The following GRIK1 variants were observed in gnomAD, a reference collection of about 807,000 sequenced individuals.
The protein encoded by GRIK1 is glutamate receptor ionotropic, kainate 1.
Under a neutral mutation model 105.7 loss-of-function variants are expected in GRIK1, and 69 were observed. The ratio of observed to expected loss-of-function variants is 0.65; its 90% CI spans 0.54 to 0.80. The LOEUF (loss-of-function observed/expected upper bound fraction) is 0.80, where lower values mean the gene tolerates loss of function less well. Ranked by LOEUF, GRIK1 falls within the 30% of genes least tolerant of loss-of-function variation. The pLI is 0.00. For synonymous variants in GRIK1, 438 were observed against 431.3 expected, an observed-to-expected ratio of 1.02 and a Z score of -0.19; for missense variants, 1,109 against 1,167.3, an observed-to-expected ratio of 0.95 and a Z score of 0.73.
intron 1 of GRIK1, among the ~76,000 whole-genome samples, chr21:29,878,150 T>G (rs184888420): frequency 6.6e-6 from 1 of 152,094 alleles, no homozygotes; most frequent in East Asian, 1.9e-4. Flanking sequence ...ATTTAGAGAA[T>G]GGAATTGGTA....
intron 1 of GRIK1, among the ~76,000 whole-genome samples, chr21:29,807,762 AT>A (rs1455067430): frequency 1.3e-5 from 2 of 152,030 alleles, no homozygotes; most frequent in Non-Finnish European, 2.9e-5. Flanking sequence ...CCCAGCCACT[AT>A]TTTTCTCTCA....
intron 1 of GRIK1, among the ~76,000 whole-genome samples, chr21:29,805,717 C>A (rs2066845518): frequency 1.3e-5 from 2 of 152,138 alleles, no homozygotes; most frequent in African/African-American, 4.8e-5. Flanking sequence ...CCACCTGACA[C>A]CTATAGCAGA....
intron 1 of GRIK1, chr21:29,758,938 C>A (rs1421412524): frequency 6.5e-6 from 1 of 153,254 alleles, no homozygotes; most frequent in Non-Finnish European, 1.5e-5. Context: ...GGACACAGAA[C>A]AAAACAAAGC....
In GRIK1 at chr21:29,587,535, T is replaced by C. The variant is rs757299465; in HGVS notation, c.1624A>G (p.Ile542Val). 5.0e-6 allele frequency: 8 copies of C among 1,613,918 alleles called. No homozygotes were observed. The highest frequency in any genetic ancestry group is 6.8e-6 in the Non-Finnish European group (8 of 1,179,816). The change falls in exon 12 of 18, where the codon ATT becomes GTT. Residue 542 changes from isoleucine to valine, a missense_variant. Physicochemically the swap from Ile to Val is conservative, Grantham distance 29. Coordinates refer to ENST00000327783, the MANE Select transcript of GRIK1 (RefSeq NM_001330994.2). The part of the protein sequence containing the change: ...LTITYVREKV[I>V]DFSKPFMTLG... ...GTCATGAAGGGTTTGGAGAAGTCAA[T>C]GACTTTCTCCCGCACGTAGGTGATG...
chr21:29,706,981 C>T (rs1015735024), intron 1 of GRIK1, among the ~76,000 whole-genome samples: 9 of 152,190 alleles, frequency 5.9e-5, no homozygotes, highest in Non-Finnish European at 1.3e-4. Flanking sequence ...TCTCCTGCCT[C>T]GGCCTCCAAA....
intron 3 of GRIK1, among the ~76,000 whole-genome samples, chr21:29,687,564 C>T (rs374110142): frequency 5.9e-5 from 9 of 152,182 alleles, no homozygotes; most frequent in East Asian, 5.8e-4. Context: ...GGGCGACATA[C>T]GAAATCATTT....
At position 29,933,307 on chromosome 21, in the gene GRIK1, T is replaced by C. The variant is rs200149421; in HGVS notation, c.118+6076A>G. ...TGCAGGATGTATGGTCATGTGACTT[T>C]GGATGTGTGTGCTGAAATTGCAGTG... On this transcript the variant is annotated intron_variant, in intron 1 of 17. Transcript: ENST00000327783. Among the ~76,000 whole-genome samples, 3 of 152,284 alleles carry C rather than the reference T, an allele frequency of 2.0e-5. No individual in the cohort carries two copies. The East Asian group carries it at 5.8e-4, about 29-fold the overall frequency.
At position 29,830,568 on chromosome 21, in the gene GRIK1, C is replaced by T. The variant is rs377088910; in HGVS notation, c.118+108815G>A. Among the ~76,000 whole-genome samples the T allele has an allele frequency of 5.9e-5, 9 of 152,192 alleles. No homozygotes were observed. The East Asian group carries it at 1.7e-3, about 29-fold the overall frequency. ...AGTGATGAGCAGGATAGATAGAGTG[C>T]TTGCTCCATGAAGCTCAGAGTCTTA... On this transcript the variant is annotated intron_variant, in intron 1 of 17. Transcript: ENST00000327783.
rs148181715 is a variant in GRIK1, at chr21:29,754,192, G to A, written c.119-60129C>T. Among the ~76,000 whole-genome samples, 1,354 of 152,246 alleles carry A rather than the reference G, an allele frequency of 8.9e-3. 11 individuals are homozygous for A. Among genetic ancestry groups the A allele is most frequent in the Admixed American group, 0.024 (361 of 15,300 alleles). On this transcript the variant is annotated intron_variant, in intron 1 of 17. Transcript: ENST00000327783. ...AAGACAGATTACAGCTGGAACAAAT[G>A]CAGTTAGTGAACTTGGATTTTTCCA...
intron 1 of GRIK1, among the ~76,000 whole-genome samples, chr21:29,850,229 A>C (rs2146042561): frequency 6.6e-6 from 1 of 152,276 alleles, no homozygotes; most frequent in Admixed American, 6.5e-5. Context: ...TCTTTGCCAT[A>C]AATGGAACAT....
chr21:29,641,241 T>C (rs751621390), intron 7 of GRIK1, among the ~76,000 whole-genome samples: 28 of 152,244 alleles, frequency 1.8e-4, no homozygotes, highest in Non-Finnish European at 3.2e-4. Context: ...AATTCCCATG[T>C]GTTGTGGGAG....
intron 1 of GRIK1, among the ~76,000 whole-genome samples, chr21:29,896,255 A>G (rs546019450): frequency 2.4e-4 from 37 of 152,322 alleles, no homozygotes; most frequent in Admixed American, 5.9e-4. Flanking sequence ...TAGTTTTGTC[A>G]TTTGAAATGC....
intron 1 of GRIK1, among the ~76,000 whole-genome samples, chr21:29,825,075 T>G (rs1192647523): frequency 6.6e-6 from 1 of 152,084 alleles, no homozygotes; most frequent in African/African-American, 2.4e-5. Flanking sequence ...GATTAAAGAT[T>G]AGAGCCAGAG....
intron 15 of GRIK1, among the ~76,000 whole-genome samples, chr21:29,560,364 T>TC (rs2090394519): frequency 2.8e-5 from 1 of 35,886 alleles, no homozygotes; most frequent in African/African-American, 1.3e-4. Context: ...TCTTTTTCTT[T>TC]CTTCCTTCCT....
intron 14 of GRIK1, among the ~76,000 whole-genome samples, chr21:29,562,698 C>A (rs1045450782): frequency 3.3e-5 from 5 of 151,314 alleles, no homozygotes; most frequent in Non-Finnish European, 7.4e-5. Context: ...ATTTATATGC[C>A]TTTTTATGTG....
chr21:29,919,674 A>G (rs1050099024), intron 1 of GRIK1, among the ~76,000 whole-genome samples: 3 of 152,142 alleles, frequency 2.0e-5, no homozygotes, highest in Non-Finnish European at 4.4e-5. Flanking sequence ...TACACAGAGT[A>G]GATTTAATTA....
At chr21:29,577,791 A>C (rs1243447890) in intron 13 of GRIK1, among the ~76,000 whole-genome samples, 2 of 152,240 alleles carry the variant, frequency 1.3e-5, no homozygotes. Flanking sequence ...GGCTAAAAAA[A>C]CACATTCTCT....
intron 13 of GRIK1, among the ~76,000 whole-genome samples, 198 bp from the exon 14 acceptor site, chr21:29,577,379 A>AATCACT (rs1419267772): frequency 6.6e-6 from 1 of 152,230 alleles, no homozygotes; most frequent in Non-Finnish European, 1.5e-5. Context: ...CTATTGCTTT[A>AATCACT]ACTATAATTT....
chr21:29,668,833 G>A (rs906331658), intron 4 of GRIK1, among the ~76,000 whole-genome samples: 36 of 152,264 alleles, frequency 2.4e-4, no homozygotes, highest in African/African-American at 8.7e-4. Context: ...GATAAACAGC[G>A]AAGAGTCGGC....
Sources: allele counts gnomAD v4.1 joint callset (sites outside exome capture counted in the v4.1 genomes callset), GRCh38; gene constraint gnomAD v4.1.1; transcripts MANE v1.5; gene names NCBI Gene and HGNC (gene_info 2026-07-23, HGNC 2026-07-21).